NXPE2: variants seen among roughly 807,000 people sequenced by gnomAD.
The protein encoded by NXPE2 is neurexophilin and PC-esterase domain family member 2.
NXPE2 carries 34 observed loss-of-function variants against 34.4 expected under a neutral mutation model. That is an observed-to-expected ratio of 0.99 (90% CI 0.75 to 1.31). NXPE2 has a LOEUF of 1.31. NXPE2 is among the 40% of genes most tolerant of loss of function. The pLI is 0.00. For synonymous variants in NXPE2, 235 were observed against 231.3 expected (o/e 1.02, Z -0.15); for missense variants, 649 against 672.5 (o/e 0.97, Z 0.39).
chr11:114,635,632 A>G, the NXPE2 span, among the ~76,000 whole-genome samples: 1 of 151,890 alleles, frequency 6.6e-6, no homozygotes, highest in African/African-American at 2.4e-5. Flanking sequence ...ATTTTGAGAT[A>G]TGTCCCATCA....
the NXPE2 span, among the ~76,000 whole-genome samples, chr11:114,760,113 T>G: frequency 2.1e-3 from 315 of 152,310 alleles, no homozygotes; most frequent in African/African-American, 7.4e-3. Flanking sequence ...TGTGTCTCCC[T>G]GCACATTCAC....
the NXPE2 span, among the ~76,000 whole-genome samples, chr11:114,507,247 C>CAAAAAAAA: frequency 2.2e-5 from 2 of 91,404 alleles, 1 homozygote. Flanking sequence ...GCCAACCAAC[C>CAAAAAAAA]AAAAAAAAAA....
chr11:114,776,346 C>T, the NXPE2 span, among the ~76,000 whole-genome samples: 11 of 152,272 alleles, frequency 7.2e-5, no homozygotes, highest in African/African-American at 1.9e-4. Context: ...CTGTTTCCAC[C>T]GAGCTCTCCA....
chr11:114,600,846 A>G, the NXPE2 span, among the ~76,000 whole-genome samples: 1 of 152,228 alleles, frequency 6.6e-6, no homozygotes, highest in Admixed American at 6.6e-5. Flanking sequence ...CCTCTATACT[A>G]TTTTGAAACT....
the NXPE2 span, among the ~76,000 whole-genome samples, chr11:114,672,812 G>A: frequency 1.3e-5 from 2 of 151,338 alleles, no homozygotes; most frequent in South Asian, 2.1e-4. Flanking sequence ...ATATATAAAC[G>A]AAAACCTACA....
intron 1 of NXPE2, 42 bp downstream of exon 1, chr11:114,678,643 G>A: frequency 6.8e-7 from 1 of 1,472,886 alleles, no homozygotes; most frequent in Non-Finnish European, 9.3e-7. Context: ...TAACGTCAGG[G>A]AAGGGAGGGG....
the NXPE2 span, among the ~76,000 whole-genome samples, chr11:114,467,553 A>G: frequency 6.6e-6 from 1 of 151,586 alleles, no homozygotes; most frequent in Non-Finnish European, 1.5e-5. Flanking sequence ...GGCTATCTGT[A>G]TGCCTCAGTA....
chr11:114,718,838 G>C, the NXPE2 span, among the ~76,000 whole-genome samples: 1 of 152,174 alleles, frequency 6.6e-6, no homozygotes, highest in Non-Finnish European at 1.5e-5. Context: ...GCTGTGGTCT[G>C]AATGTTGGTG....
the NXPE2 span, among the ~76,000 whole-genome samples, chr11:114,738,574 C>T: frequency 6.6e-6 from 1 of 152,162 alleles, no homozygotes; most frequent in African/African-American, 2.4e-5. Flanking sequence ...TCTGTGATCC[C>T]AGACTGTTTG....
At chr11:114,466,697 T>C in the NXPE2 span, among the ~76,000 whole-genome samples, 3 of 152,352 alleles carry the variant, frequency 2.0e-5, no homozygotes, top group Admixed American at 2.0e-4. Context: ...GGTGGTATCA[T>C]TCCTTGTTGC....
the NXPE2 span, among the ~76,000 whole-genome samples, chr11:114,805,168 GT>G: frequency 6.6e-6 from 1 of 151,404 alleles, no homozygotes; most frequent in South Asian, 2.1e-4. Flanking sequence ...GTAACCTTGG[GT>G]TACTTTTTGG....
the NXPE2 span, among the ~76,000 whole-genome samples, chr11:114,759,158 A>G: frequency 2.0e-5 from 3 of 152,068 alleles, no homozygotes; most frequent in Non-Finnish European, 4.4e-5. Context: ...GTCAGCTAGG[A>G]TTCCAGCTGA....
chr11:114,650,621 T>C, the NXPE2 span, among the ~76,000 whole-genome samples: 5 of 152,212 alleles, frequency 3.3e-5, no homozygotes, highest in African/African-American at 9.6e-5. Flanking sequence ...AAGACCTCTA[T>C]CCCTAGGGAA....
At chr11:114,803,621 G>A in the NXPE2 span, among the ~76,000 whole-genome samples, 1 of 150,060 alleles carries the variant, frequency 6.7e-6, no homozygotes. Flanking sequence ...TCTGTTGCCA[G>A]GCTGGAGCAC....
chr11:114,697,254 C>T (rs561922723), intron 2 of NXPE2, among the ~76,000 whole-genome samples: 55 of 151,932 alleles, frequency 3.6e-4, no homozygotes, highest in East Asian at 2.1e-3. Context: ...TGTCCTTTTA[C>T]GAGAAGAAAA....
the NXPE2 span, among the ~76,000 whole-genome samples, chr11:114,649,443 G>A: frequency 6.6e-6 from 1 of 152,166 alleles, no homozygotes; most frequent in Non-Finnish European, 1.5e-5. Flanking sequence ...CATATGGAAG[G>A]ACCTCACAAC....
the NXPE2 span, among the ~76,000 whole-genome samples, chr11:114,721,660 T>C: frequency 1.3e-5 from 2 of 152,230 alleles, no homozygotes; most frequent in African/African-American, 4.8e-5. Context: ...TCAGGCACTG[T>C]GCCCAGTGTT....
At chr11:114,580,277 C>T in the NXPE2 span, 1 of 1,613,956 alleles carries the variant, frequency 6.2e-7, no homozygotes, top group Non-Finnish European at 8.5e-7. Flanking sequence ...TCCAGACATG[C>T]CCACTGGGGA....
At chr11:114,660,585 G>T in the NXPE2 span, among the ~76,000 whole-genome samples, 1 of 151,848 alleles carries the variant, frequency 6.6e-6, no homozygotes, top group Non-Finnish European at 1.5e-5. Flanking sequence ...AAAAGTTATG[G>T]TAAACTAAAA....
Sources: gnomAD v4.1 joint callset for allele counts (sites outside exome capture counted in the v4.1 genomes callset) on GRCh38, gnomAD v4.1.1 for gene constraint, MANE v1.5 for transcripts, NCBI Gene and HGNC (gene_info 2026-07-23, HGNC 2026-07-21) for gene names.